The following FNDC3A variants were observed in gnomAD, a reference collection of about 807,000 sequenced individuals.
FNDC3A encodes the protein fibronectin type-III domain-containing protein 3A.
In FNDC3A, 32 loss-of-function variants were observed where a neutral mutation model predicts 148.9. The ratio of observed to expected loss-of-function variants is 0.21; its 90% CI spans 0.16 to 0.29. The LOEUF is 0.29. FNDC3A is among the 10% of genes least tolerant of loss of function. The pLI, the probability that FNDC3A is intolerant of heterozygous loss-of-function variation, is 1.00. For missense variants in FNDC3A, 1,191 were observed against 1,452.8 expected, an observed-to-expected ratio of 0.82 and a Z score of 2.93; for synonymous variants, 472 against 473.6, an observed-to-expected ratio of 1.00 and a Z score of 0.04.
At chr13:49,187,409 T>G (rs1885636246) in intron 16 of FNDC3A, 1 of 994,332 alleles carries the variant, frequency 1.0e-6, no homozygotes, top group East Asian at 2.4e-5. Context: ...AGTTCAAGTT[T>G]GATCCACTTC....
intron 15 of FNDC3A, among the ~76,000 whole-genome samples, 156 bp downstream of exon 15, chr13:49,186,258 A>G (rs984250000): frequency 2.3e-4 from 2 of 8,602 alleles, no homozygotes; most frequent in Non-Finnish European, 4.7e-4. Flanking sequence ...TTTTTTGTGG[A>G]AAACCTTATA....
chr13:49,097,773 C>T (rs1384659168), intron 3 of FNDC3A, among the ~76,000 whole-genome samples: 1 of 151,998 alleles, frequency 6.6e-6, no homozygotes, highest in Non-Finnish European at 1.5e-5. Flanking sequence ...TATGATTACT[C>T]ATAAGCCATC....
intron 23 of FNDC3A, among the ~76,000 whole-genome samples, chr13:49,198,846 G>T (rs918430121): frequency 2.0e-5 from 3 of 152,250 alleles, no homozygotes; most frequent in African/African-American, 7.2e-5. Flanking sequence ...TTTTTAAAAC[G>T]TTAGAAAACA....
chr13:48,977,050 G>T (rs1951617345), intron 1 of FNDC3A: 1 of 152,234 alleles, frequency 6.6e-6, no homozygotes, highest in African/African-American at 2.4e-5. Context: ...TTAGAGGGTG[G>T]AATGCGATGA....
At chr13:49,087,286 T>C (rs1052626695) in intron 3 of FNDC3A, among the ~76,000 whole-genome samples, 3 of 152,110 alleles carry the variant, frequency 2.0e-5, no homozygotes, top group Non-Finnish European at 4.4e-5. Context: ...ATGTGAAATA[T>C]CTTATATTAG....
intron 19 of FNDC3A, 97 bp downstream of exon 19, chr13:49,191,481 A>AT (rs1885885097): frequency 1.0e-6 from 1 of 975,614 alleles, no homozygotes; most frequent in African/African-American, 1.7e-5. Flanking sequence ...ATTTGGCTTT[A>AT]ACATATGACT....
chr13:49,131,513 A>G (rs1882035172), intron 5 of FNDC3A, 139 bp downstream of exon 5: 3 of 678,136 alleles, frequency 4.4e-6, no homozygotes, highest in Admixed American at 2.3e-5. Context: ...CTCAAGTACT[A>G]TATTAGGTGC....
At chr13:49,025,939 G>GAA (rs926525429) in intron 2 of FNDC3A, among the ~76,000 whole-genome samples, 1 of 152,080 alleles carries the variant, frequency 6.6e-6, no homozygotes, top group African/African-American at 2.4e-5. Context: ...TTCTCTTACA[G>GAA]AAAATCTTAT....
At chr13:49,085,434 T>C (rs1878742430) in intron 3 of FNDC3A, among the ~76,000 whole-genome samples, 2 of 152,222 alleles carry the variant, frequency 1.3e-5, no homozygotes, top group South Asian at 4.1e-4. Context: ...GAGAGAGGAA[T>C]GTAGAGTCCT....
intron 8 of FNDC3A, among the ~76,000 whole-genome samples, chr13:49,155,269 T>TG (rs1883585663): frequency 6.6e-6 from 1 of 152,156 alleles, no homozygotes; most frequent in African/African-American, 2.4e-5. Flanking sequence ...GTCGAGGAAT[T>TG]TATCCATTTC....
At chr13:49,086,806 C>T (rs1744013087) in intron 3 of FNDC3A, among the ~76,000 whole-genome samples, 1 of 151,980 alleles carries the variant, frequency 6.6e-6, no homozygotes, top group Admixed American at 6.6e-5. Flanking sequence ...TTTATACTTC[C>T]CCTTTTAATA....
chr13:49,028,668 A>G (rs1004213676), intron 2 of FNDC3A, among the ~76,000 whole-genome samples: 1 of 152,242 alleles, frequency 6.6e-6, no homozygotes, highest in Non-Finnish European at 1.5e-5. Context: ...AAGTTACTAG[A>G]GACAAAGAAG....
chr13:49,173,537 T>C (rs1449480469), intron 11 of FNDC3A, among the ~76,000 whole-genome samples: 2 of 152,220 alleles, frequency 1.3e-5, no homozygotes, highest in African/African-American at 2.4e-5. Context: ...AGATTGCCAA[T>C]TATCCCTACC....
chr13:49,179,696 T>C (rs948828447), intron 14 of FNDC3A, among the ~76,000 whole-genome samples: 2 of 152,238 alleles, frequency 1.3e-5, no homozygotes, highest in Admixed American at 1.3e-4. Flanking sequence ...ACTTTGATTA[T>C]TGTGAGGCTC....
intron 8 of FNDC3A, among the ~76,000 whole-genome samples, chr13:49,158,141 G>C (rs1211081781): frequency 6.6e-6 from 1 of 152,122 alleles, no homozygotes; most frequent in African/African-American, 2.4e-5. Context: ...CTTGCAGTTT[G>C]ATCTCAGACT....
Position 49,186,025 on chromosome 13 carries a change from G to A in FNDC3A, c.1679G>A (p.Cys560Tyr). The change falls in exon 15 of 26, where the codon TGC (cysteine) becomes TAC (tyrosine). Residue 560 changes from cysteine to tyrosine, a missense_variant. Physicochemically the swap from Cys to Tyr is radical, Grantham distance 194. Coordinates refer to ENST00000492622, the MANE Select transcript of FNDC3A (RefSeq NM_001079673.2). ...AGTGAAGTAGTAGAATTTACTACTT[G>A]CCCTGATAAACCAGGCATACCTGTA... Reference protein sequence around the residue: ...NPSEVVEFTTCPDKPGIPVKP... With the variant: ...NPSEVVEFTTYPDKPGIPVKP... 1 of 1,609,722 alleles carries A rather than the reference G, an allele frequency of 6.2e-7. No individual in the cohort carries two copies. Among genetic ancestry groups the A allele is most frequent in the African/African-American group, 1.3e-5 (1 of 74,932 alleles).
intron 25 of FNDC3A, among the ~76,000 whole-genome samples, chr13:49,206,002 G>C (rs538004104): frequency 2.9e-4 from 44 of 152,212 alleles, no homozygotes; most frequent in African/African-American, 1.0e-3. Flanking sequence ...CCCATGTGTT[G>C]GTTCTTCTGA....
Position 49,186,855 on chromosome 13 carries a change from G to A in FNDC3A, c.1757-267G>A, listed in dbSNP as rs188730384. ...TGCATTCCAGCCTGGGCAACAGAGT[G>A]AGACTCCATCTAAAAAAAATAAATA... On this transcript the variant is annotated intron_variant, in intron 15 of 25. Coordinates refer to ENST00000492622, the MANE Select transcript of FNDC3A (RefSeq NM_001079673.2). Among the ~76,000 whole-genome samples, 5 of 152,166 alleles carry A rather than the reference G, an allele frequency of 3.3e-5. No individual in the cohort carries two copies. The South Asian group carries it at 6.2e-4, about 19-fold the overall frequency.
chr13:49,045,543 T>G, intron 2 of FNDC3A: 1 of 312,004 alleles, frequency 3.2e-6, no homozygotes. Flanking sequence ...GTGACATTTC[T>G]ACTACTTCCT....
Sources: gnomAD v4.1 joint callset for allele counts (sites outside exome capture counted in the v4.1 genomes callset) on GRCh38, gnomAD v4.1.1 for gene constraint, MANE v1.5 for transcripts, NCBI Gene and HGNC (gene_info 2026-07-23, HGNC 2026-07-21) for gene names.